FNDC3A: variants seen among roughly 807,000 people sequenced by gnomAD.
The protein encoded by FNDC3A is fibronectin type III domain containing 3A.
Under a neutral mutation model 148.9 loss-of-function variants are expected in FNDC3A, and 32 were observed. The observed-to-expected ratio is 0.21, with a 90% CI of 0.16 to 0.29. The LOEUF is 0.29. Among genes scored for constraint, FNDC3A ranks in the 10% least tolerant of loss-of-function variants. The pLI is 1.00. For missense variants in FNDC3A, 1,191 were observed against 1,452.8 expected (o/e 0.82, Z 2.93); for synonymous variants, 472 against 473.6 (o/e 1.00, Z 0.04).
chr13:49,040,215 T>A (rs1262302512), intron 2 of FNDC3A, among the ~76,000 whole-genome samples: 1 of 152,256 alleles, frequency 6.6e-6, no homozygotes, highest in Non-Finnish European at 1.5e-5. Context: ...AATGTAATTA[T>A]TAGTAGTACT....
At chr13:49,178,492 T>G in intron 13 of FNDC3A, 76 bp from the exon 14 acceptor site, 4 of 876,670 alleles carry the variant, frequency 4.6e-6, no homozygotes, top group Non-Finnish European at 7.4e-6. Flanking sequence ...GAAACCCGGG[T>G]CTTTTCACAT....
intron 5 of FNDC3A, among the ~76,000 whole-genome samples, chr13:49,133,917 A>G (rs1270519027): frequency 6.6e-6 from 1 of 152,274 alleles, no homozygotes; most frequent in East Asian, 1.9e-4. Context: ...TTTGAATAAT[A>G]GATAAAGCAT....
At chr13:49,159,107 T>C (rs1212779502) in intron 8 of FNDC3A, among the ~76,000 whole-genome samples, 5 of 152,240 alleles carry the variant, frequency 3.3e-5, no homozygotes, top group Non-Finnish European at 4.4e-5. Context: ...ATGTGGGCTC[T>C]TTTTTGGTTC....
intron 5 of FNDC3A, 107 bp from the exon 6 acceptor site, chr13:49,136,225 T>G (rs922242063): frequency 3.1e-6 from 3 of 972,096 alleles, no homozygotes; most frequent in Non-Finnish European, 4.4e-6. Context: ...CTTTTAAATA[T>G]TTTATAAAAG....
chr13:49,001,408 T>A (rs138335190), intron 1 of FNDC3A, among the ~76,000 whole-genome samples: 29 of 152,296 alleles, frequency 1.9e-4, no homozygotes, highest in African/African-American at 6.7e-4. Context: ...GTTTGAACAA[T>A]ATGAAATCTG....
At chr13:49,113,583 T>C (rs1880725613) in intron 3 of FNDC3A, among the ~76,000 whole-genome samples, 1 of 152,200 alleles carries the variant, frequency 6.6e-6, no homozygotes, top group African/African-American at 2.4e-5. Context: ...TTATTTCTTT[T>C]ATAGCTGAGA....
intron 8 of FNDC3A, among the ~76,000 whole-genome samples, chr13:49,159,530 G>A (rs1244933295): frequency 6.6e-6 from 1 of 152,158 alleles, no homozygotes; most frequent in East Asian, 1.9e-4. Context: ...TGAGACACTG[G>A]GGTTTTCTAA....
Position 49,161,507 on chromosome 13 carries a change from A to T in FNDC3A, c.978-5737A>T, listed in dbSNP as rs117551160. On this transcript the variant is annotated intron_variant, in intron 8 of 25. Transcript: ENST00000492622. Reference sequence around the variant, plus strand: ...CCTGTGTGTGTGTCTGCATGTATTCAGCAGATGGGACCCCTGAATACAGCA... The same window carrying T: ...CCTGTGTGTGTGTCTGCATGTATTCTGCAGATGGGACCCCTGAATACAGCA... Among the ~76,000 whole-genome samples, 396 of 152,124 alleles carry T rather than the reference A, an allele frequency of 2.6e-3. 9 individuals are homozygous for T. The East Asian group carries it at 0.042, about 16-fold the overall frequency.
chr13:49,010,902 A>G (rs1158393312), intron 2 of FNDC3A, among the ~76,000 whole-genome samples: 1 of 151,450 alleles, frequency 6.6e-6, no homozygotes, highest in Admixed American at 6.6e-5. Context: ...AACTTGGTTT[A>G]ACTATTCTTT....
At chr13:49,030,638 G>A (rs1874042397) in intron 2 of FNDC3A, among the ~76,000 whole-genome samples, 2 of 151,966 alleles carry the variant, frequency 1.3e-5, no homozygotes, top group African/African-American at 4.8e-5. Flanking sequence ...AAAAACTATT[G>A]GAACTAATAA....
At chr13:49,114,790 T>C in intron 4 of FNDC3A, 59 bp downstream of exon 4, 1 of 1,157,670 alleles carries the variant, frequency 8.6e-7, no homozygotes, top group African/African-American at 1.5e-5. Context: ...TGTTATTCTC[T>C]TTGACTTTGA....
intron 8 of FNDC3A, among the ~76,000 whole-genome samples, chr13:49,165,667 G>C (rs893300775): frequency 2.3e-4 from 35 of 152,188 alleles, no homozygotes; most frequent in Non-Finnish European, 1.8e-4. Flanking sequence ...AGCTTGCTCA[G>C]GTGCTAGTAG....
At chr13:49,126,614 T>C (rs1379130945) in intron 4 of FNDC3A, among the ~76,000 whole-genome samples, 1 of 152,220 alleles carries the variant, frequency 6.6e-6, no homozygotes, top group East Asian at 1.9e-4. Context: ...ATGGCTTCTA[T>C]GCCCACAAAG....
chr13:49,090,682 C>T (rs2137815641), intron 3 of FNDC3A, among the ~76,000 whole-genome samples: 1 of 149,606 alleles, frequency 6.7e-6, no homozygotes, highest in East Asian at 2.0e-4. Context: ...CGTCTGGGAG[C>T]CATGCATTAA....
chr13:48,980,170 CG>C (rs1397241782), intron 1 of FNDC3A, among the ~76,000 whole-genome samples: 1 of 152,072 alleles, frequency 6.6e-6, no homozygotes, highest in Non-Finnish European at 1.5e-5. Flanking sequence ...AAGTGAAAGA[CG>C]AAAAGCCTTT....
intron 4 of FNDC3A, among the ~76,000 whole-genome samples, chr13:49,118,396 G>T (rs1881106097): frequency 6.6e-6 from 1 of 152,172 alleles, no homozygotes; most frequent in Admixed American, 6.5e-5. Context: ...TATACCACCA[G>T]GGCCCTGGGA....
chr13:49,078,273 G>A (rs1433283615), intron 3 of FNDC3A, among the ~76,000 whole-genome samples: 1 of 152,120 alleles, frequency 6.6e-6, no homozygotes, highest in Non-Finnish European at 1.5e-5. Context: ...CAATTAAATT[G>A]ATTTTATATG....
intron 1 of FNDC3A, among the ~76,000 whole-genome samples, chr13:48,998,568 A>G (rs1267019846): frequency 6.6e-6 from 1 of 152,216 alleles, no homozygotes; most frequent in South Asian, 2.1e-4. Context: ...AAAATCTGAA[A>G]AAAATGTGAA....
At chr13:49,151,034 A>G (rs1158594033) in intron 8 of FNDC3A, among the ~76,000 whole-genome samples, 1 of 152,112 alleles carries the variant, frequency 6.6e-6, no homozygotes, top group African/African-American at 2.4e-5. Flanking sequence ...CATGTGTTGT[A>G]AAGAAGAATG....
Sources: gnomAD v4.1 joint callset for allele counts (sites outside exome capture counted in the v4.1 genomes callset) on GRCh38, gnomAD v4.1.1 for gene constraint, MANE v1.5 for transcripts, NCBI Gene and HGNC (gene_info 2026-07-23, HGNC 2026-07-21) for gene names.